TENM4: variants seen among roughly 807,000 people sequenced by gnomAD.
The protein encoded by TENM4 is teneurin transmembrane protein 4.
Under a neutral mutation model 243.3 loss-of-function variants are expected in TENM4, and 82 were observed. That is an observed-to-expected ratio of 0.34 (90% CI 0.28 to 0.40). TENM4 has a LOEUF of 0.40. TENM4 is among the 10% of genes least tolerant of loss of function. TENM4 has a pLI of 1.00. For synonymous variants in TENM4, 1,412 were observed against 1,456.3 expected, an observed-to-expected ratio of 0.97 and a Z score of 0.69; for missense variants, 3,138 against 3,673.3, an observed-to-expected ratio of 0.85 and a Z score of 3.77.
At chr11:79,293,514 A>C (rs1041552479) in intron 2 of TENM4, among the ~76,000 whole-genome samples, 9 of 92,970 alleles carry the variant, frequency 9.7e-5, no homozygotes, top group Non-Finnish European at 1.9e-4. Flanking sequence ...CCCTTAAAAA[A>C]AAAAAAGAAA....
At chr11:78,986,104 C>G (rs1857913007) in intron 6 of TENM4, among the ~76,000 whole-genome samples, 1 of 152,132 alleles carries the variant, frequency 6.6e-6, no homozygotes, top group African/African-American at 2.4e-5. Context: ...TCCTCTTACT[C>G]CTAGAATGGA....
At chr11:79,125,221 A>G (rs1175505391) in intron 4 of TENM4, among the ~76,000 whole-genome samples, 2 of 152,114 alleles carry the variant, frequency 1.3e-5, no homozygotes, top group African/African-American at 4.8e-5. Flanking sequence ...GTGACTCTAT[A>G]CCTAATACTT....
chr11:79,225,134 C>T (rs539901488), intron 2 of TENM4, among the ~76,000 whole-genome samples: 4 of 152,308 alleles, frequency 2.6e-5, no homozygotes, highest in Admixed American at 2.6e-4. Flanking sequence ...TGATCTCACA[C>T]TTTAAGCTTC....
At chr11:79,092,920 ATC>A (rs1376104557) in intron 4 of TENM4, 2 of 152,170 alleles carry the variant, frequency 1.3e-5, no homozygotes, top group African/African-American at 2.4e-5. Flanking sequence ...TGTTTTCCTT[ATC>A]TGCAGTATGA....
At chr11:78,746,085 T>C (rs1387376954) in intron 19 of TENM4, among the ~76,000 whole-genome samples, 1 of 152,184 alleles carries the variant, frequency 6.6e-6, no homozygotes, top group Non-Finnish European at 1.5e-5. Flanking sequence ...CCCCAGTAGC[T>C]GGGGTTACAG....
At chr11:79,246,975 T>C (rs1328010419) in intron 2 of TENM4, among the ~76,000 whole-genome samples, 2 of 139,680 alleles carry the variant, frequency 1.4e-5, no homozygotes, top group South Asian at 2.4e-4. Context: ...TGGATGAATA[T>C]TGTATTTCTC....
chr11:79,343,016 C>A (rs1359020870), intron 1 of TENM4, among the ~76,000 whole-genome samples: 1 of 152,228 alleles, frequency 6.6e-6, no homozygotes, highest in Non-Finnish European at 1.5e-5. Flanking sequence ...TCTCCATGGC[C>A]TGGTGGCCCT....
chr11:79,073,520 T>G (rs978321090), intron 4 of TENM4, among the ~76,000 whole-genome samples: 3 of 152,224 alleles, frequency 2.0e-5, no homozygotes, highest in African/African-American at 7.2e-5. Context: ...GTCTTCTTAT[T>G]AAGCCTCAAT....
intron 2 of TENM4, among the ~76,000 whole-genome samples, chr11:79,261,893 C>A (rs903214351): frequency 2.0e-5 from 3 of 152,144 alleles, no homozygotes; most frequent in African/African-American, 2.4e-5. Flanking sequence ...TTTCTTATAA[C>A]CTCTGGATGG....
intron 4 of TENM4, among the ~76,000 whole-genome samples, chr11:79,113,055 C>T (rs1429489422): frequency 6.6e-6 from 1 of 152,136 alleles, no homozygotes; most frequent in African/African-American, 2.4e-5. Flanking sequence ...AGTGAAGGAC[C>T]CTCTCAGATG....
intron 2 of TENM4, among the ~76,000 whole-genome samples, chr11:79,266,510 T>A (rs1855886095): frequency 6.6e-6 from 1 of 152,190 alleles, no homozygotes; most frequent in Non-Finnish European, 1.5e-5. Context: ...CCAGAGCCCA[T>A]CCTTCTGAAA....
chr11:78,710,755 T>C (rs1447741939), intron 26 of TENM4, among the ~76,000 whole-genome samples: 1 of 152,098 alleles, frequency 6.6e-6, no homozygotes, highest in Admixed American at 6.6e-5. Flanking sequence ...TGCTGCAAAG[T>C]GCCTGCATAT....
Position 78,805,277 on chromosome 11 carries a change from T to TCCCCC in TENM4, c.2179+10_2179+14dup. On this transcript the variant is annotated intron_variant, in intron 15 of 33. Transcript: ENST00000278550. ...CCCCTCCCTCTACCCATGCTTCTTC[T>TCCCCC]CCCCCTGCATTTACCGATAGAACAG... The TCCCCC allele has an allele frequency of 7.1e-7, 1 of 1,402,550 alleles. No individual in the cohort carries two copies. Among genetic ancestry groups the TCCCCC allele is most frequent in the Non-Finnish European group, 9.7e-7 (1 of 1,033,116 alleles). The allele number at this position is 1,402,550 out of a possible 1,614,324, so 86.9% of individuals were successfully genotyped here.
chr11:78,728,260 T>C (rs1329592718), intron 22 of TENM4, among the ~76,000 whole-genome samples: 2 of 152,236 alleles, frequency 1.3e-5, no homozygotes, highest in Non-Finnish European at 2.9e-5. Flanking sequence ...AATCCAGCTC[T>C]GTTCCTTTCT....
chr11:78,792,586 C>T (rs978651702), intron 15 of TENM4, among the ~76,000 whole-genome samples: 1 of 152,158 alleles, frequency 6.6e-6, no homozygotes, highest in Non-Finnish European at 1.5e-5. Flanking sequence ...TGGAAGCCCA[C>T]CTGATGGGAA....
At chr11:79,286,524 C>T (rs992406665) in intron 2 of TENM4, among the ~76,000 whole-genome samples, 4 of 147,036 alleles carry the variant, frequency 2.7e-5, no homozygotes, top group African/African-American at 1.0e-4. Context: ...AAAAAATTAG[C>T]TGGGTGTGGT....
At chr11:79,249,595 C>A (rs1855575043) in intron 2 of TENM4, among the ~76,000 whole-genome samples, 1 of 152,172 alleles carries the variant, frequency 6.6e-6, no homozygotes, top group Admixed American at 6.5e-5. Flanking sequence ...CTCAGCAACC[C>A]AAAGGTATCG....
At chr11:78,705,356 T>C (rs567497968) in intron 27 of TENM4, among the ~76,000 whole-genome samples, 19 of 152,322 alleles carry the variant, frequency 1.2e-4, no homozygotes, top group African/African-American at 4.3e-4. Flanking sequence ...CCTTATGCCA[T>C]GTGCACAGAG....
rs557029488 is a variant in TENM4, at chr11:78,672,961, C to T, written c.5497-632G>A. On this transcript the variant is annotated intron_variant, in intron 30 of 33. Coordinates refer to ENST00000278550, the MANE Select transcript of TENM4 (RefSeq NM_001098816.3). ...TACAATCAGGGCTTCTTGATTGCCA[C>T]AGTCAGTACCCAAGACATATTCTTC... Among the ~76,000 whole-genome samples the T allele has an allele frequency of 3.3e-5, 5 of 152,160 alleles. No individual in the cohort carries two copies. In the East Asian group the frequency reaches 9.7e-4, roughly 30 times the overall value.
Sources: allele counts gnomAD v4.1 joint callset (sites outside exome capture counted in the v4.1 genomes callset), GRCh38; gene constraint gnomAD v4.1.1; transcripts MANE v1.5; gene names NCBI Gene and HGNC (gene_info 2026-07-23, HGNC 2026-07-21).